Variants in DMD observed in about 807,000 individuals in gnomAD.
DMD encodes dystrophin.
A neutral mutation model predicts 330.1 loss-of-function variants in DMD; 63 were observed. That is an observed-to-expected ratio of 0.19 (90% CI 0.16 to 0.24). DMD has a LOEUF of 0.24. Ranked by LOEUF, DMD falls within the 10% of genes least tolerant of loss-of-function variation. The pLI is 1.00. For synonymous variants in DMD, 1,223 were observed against 959.8 expected, an observed-to-expected ratio of 1.27 and a Z score of -5.07; for missense variants, 3,344 against 2,684.1, an observed-to-expected ratio of 1.25 and a Z score of -5.43.
At chrX:32,902,158 AACACACACACACACAC>A (rs774414536) in intron 2 of DMD, among the ~76,000 whole-genome samples, 36 of 86,643 alleles carry the variant, frequency 4.2e-4, no homozygotes, top group Admixed American at 4.0e-3. Context: ...CACACACACA[AACACACACACACACAC>A]ACACACACAC....
At chrX:32,649,331 G>A (rs1241641058) in intron 9 of DMD, among the ~76,000 whole-genome samples, 3 of 109,147 alleles carry the variant, frequency 2.7e-5, no homozygotes, top group African/African-American at 6.7e-5. Flanking sequence ...GAGGCAGGCG[G>A]ATCACGAGGT....
At chrX:33,178,814 C>T (rs567334295) in intron 1 of DMD, among the ~76,000 whole-genome samples, 4 of 111,957 alleles carry the variant, frequency 3.6e-5, no homozygotes, top group South Asian at 3.7e-4. Flanking sequence ...AGTACCAAAT[C>T]TCTCTTCTGA....
rs188751428 is a variant in DMD at position 32,541,758 on chromosome X, T to C, written c.2168+3401A>G. ...TACACCAAACAGCCACAACACGCAA[T>C]TTACCCATGTAACAAACCTACACGT... On this transcript the variant is annotated intron_variant, in intron 17 of 78. Coordinates refer to ENST00000357033, the MANE Select transcript of DMD (RefSeq NM_004006.3). Among the ~76,000 whole-genome samples, 50 of 109,516 alleles carry C rather than the reference T, an allele frequency of 4.6e-4. No homozygotes were observed. The Admixed American group carries it at 4.8e-3, about 11-fold the overall frequency.
At chrX:31,880,855 GATA>G (rs1468141021) in intron 47 of DMD, among the ~76,000 whole-genome samples, 1 of 112,341 alleles carries the variant, frequency 8.9e-6, no homozygotes, top group Non-Finnish European at 1.9e-5. Flanking sequence ...ACTTGATAAT[GATA>G]ATAAACAACT....
Position 32,816,469 on chromosome X carries a change from T to C in DMD, c.529A>G (p.Arg177Gly). 8.3e-7 allele frequency: 1 copy of C among 1,210,992 alleles called. No homozygotes were observed. The highest frequency in any genetic ancestry group is 3.0e-5 in the East Asian group (1 of 33,819). The change falls in exon 6 of 79, where the codon AGG (arginine) becomes GGG (glycine). Residue 177 changes from arginine (R) to glycine (G), a missense_variant and splice_region_variant. Arg to Gly is a moderately radical substitution (Grantham distance 125, BLOSUM62 -2). Transcript: ENST00000357033. ...TTAATGTCTCAGTAATCTTCTTACC[T>C]ATGACTATGGATGAGAGCATTCAAA... is the stretch of plus-strand genomic sequence containing the variant. ...LALNALIHSH[R>G]PDLFDWNSVV...
intron 41 of DMD, among the ~76,000 whole-genome samples, chrX:32,323,229 G>A (rs2097629516): frequency 8.9e-6 from 1 of 111,834 alleles, no homozygotes; most frequent in Non-Finnish European, 1.9e-5. Context: ...GGTGTCCATA[G>A]TTACATGCAA....
chrX:32,767,520 A>G (rs769302130), intron 7 of DMD, among the ~76,000 whole-genome samples: 3 of 111,671 alleles, frequency 2.7e-5, no homozygotes, highest in African/African-American at 9.7e-5. Context: ...TATCCAATTT[A>G]GAGTGTCAGA....
At chrX:32,104,646 A>G (rs925258553) in intron 44 of DMD, among the ~76,000 whole-genome samples, 6 of 112,013 alleles carry the variant, frequency 5.4e-5, no homozygotes, top group Non-Finnish European at 9.4e-5. Context: ...ACACAACAAT[A>G]TATGTTTTAT....
intron 2 of DMD, among the ~76,000 whole-genome samples, chrX:32,992,438 C>T (rs1367688405): frequency 9.0e-6 from 1 of 111,139 alleles, no homozygotes; most frequent in South Asian, 3.8e-4. Flanking sequence ...ATCAACTTCC[C>T]CCAGTCATTT....
intron 54 of DMD, among the ~76,000 whole-genome samples, chrX:31,640,025 T>C (rs1046987495): frequency 1.1e-4 from 12 of 111,463 alleles, no homozygotes; most frequent in Non-Finnish European, 1.5e-4. Flanking sequence ...TAGAGCTCCA[T>C]AGAGAATGAA....
chrX:32,619,418 T>C (rs2057825260), intron 11 of DMD, among the ~76,000 whole-genome samples: 1 of 111,394 alleles, frequency 9.0e-6, no homozygotes, highest in African/African-American at 3.3e-5. Flanking sequence ...AATGAAAATA[T>C]ACTCTTGAAA....
At chrX:32,531,127 T>C (rs1446554788) in intron 17 of DMD, among the ~76,000 whole-genome samples, 1 of 111,326 alleles carries the variant, frequency 9.0e-6, no homozygotes, top group Non-Finnish European at 1.9e-5. Flanking sequence ...AAATATAAAA[T>C]GTCCAAAGAT....
chrX:32,965,809 C>T (rs2092129661), intron 2 of DMD, among the ~76,000 whole-genome samples: 1 of 111,473 alleles, frequency 9.0e-6, no homozygotes, highest in Admixed American at 9.5e-5. Context: ...TTAAGTTATC[C>T]CCTTTACCTC....
Position 33,292,456 on chromosome X carries a change from A to G in DMD, c.7+46803T>C, listed in dbSNP as rs183863940. Among the ~76,000 whole-genome samples, 581 of 111,482 alleles carry G rather than the reference A, an allele frequency of 5.2e-3. 9 individuals are homozygous for G. Among genetic ancestry groups the G allele is most frequent in the Middle Eastern group, 0.019 (4 of 216 alleles). On this transcript the variant is annotated intron_variant, in intron 1 of 17. Transcript: ENST00000288447. ...TACATATTCGGAAGATCTTCAAAGT[A>G]GTACATTGATTCTTATCCAAATTTG...
At chrX:32,706,921 G>A (rs1023854763) in intron 7 of DMD, among the ~76,000 whole-genome samples, 1 of 110,258 alleles carries the variant, frequency 9.1e-6, no homozygotes, top group African/African-American at 3.3e-5. Flanking sequence ...GTGAAACCCC[G>A]TCTCTATTAA....
intron 1 of DMD, among the ~76,000 whole-genome samples, chrX:33,318,419 A>G (rs1023734865): frequency 9.1e-6 from 1 of 109,969 alleles, no homozygotes; most frequent in Non-Finnish European, 1.9e-5. Flanking sequence ...GTTTTTTTAA[A>G]ATGATGTTTA....
At chrX:32,968,207 G>A (rs1352393220) in intron 2 of DMD, among the ~76,000 whole-genome samples, 2 of 108,780 alleles carry the variant, frequency 1.8e-5, no homozygotes, top group Non-Finnish European at 3.8e-5. Flanking sequence ...ATGCTGGTCA[G>A]ATTAAATGGC....
intron 50 of DMD, among the ~76,000 whole-genome samples, chrX:31,808,731 G>A (rs190617052): frequency 9.0e-6 from 1 of 110,867 alleles, no homozygotes; most frequent in African/African-American, 3.3e-5. Context: ...ATTCAATCCT[G>A]AGTTATGTGC....
chrX:32,604,312 T>TGAAAAAACAAAAAA (rs2056490039), intron 12 of DMD, among the ~76,000 whole-genome samples: 1 of 110,233 alleles, frequency 9.1e-6, no homozygotes, highest in Non-Finnish European at 1.9e-5. Context: ...TATGATCATC[T>TGAAAAAACAAAAAA]CAATAGATGC....
Sources: gnomAD v4.1 joint callset for allele counts (sites outside exome capture counted in the v4.1 genomes callset) on GRCh38, gnomAD v4.1.1 for gene constraint, MANE v1.5 for transcripts, NCBI Gene and HGNC (gene_info 2026-07-23, HGNC 2026-07-21) for gene names.